Variants in RGS7 observed in about 807,000 individuals in gnomAD.
The protein encoded by RGS7 is regulator of G-protein signaling 7.
RGS7 carries 27 observed loss-of-function variants against 81.1 expected under a neutral mutation model. That is an observed-to-expected ratio of 0.33 (90% CI 0.25 to 0.46). RGS7 has a LOEUF of 0.46. RGS7 is among the 20% of genes least tolerant of loss of function. The pLI is 1.00. For missense variants in RGS7, 396 were observed against 607.4 expected, an observed-to-expected ratio of 0.65 and a Z score of 3.66; for synonymous variants, 208 against 207.7, an observed-to-expected ratio of 1.00 and a Z score of -0.01.
At position 240,956,814 on chromosome 1, in the gene RGS7, T is replaced by C. The variant is rs1035056454; in HGVS notation, c.227-20108A>G. 9.9e-5 allele frequency among the ~76,000 whole-genome samples: 15 copies of C among 151,990 alleles called. 1 individual carries two copies. Among genetic ancestry groups the C allele is most frequent in the Admixed American group, 4.6e-4 (7 of 15,262 alleles). On this transcript the variant is annotated intron_variant, in intron 4 of 18. Transcript: ENST00000440928. ...GACAACAGCACTTTCCCTTTGTGAT[T>C]TTCCTCCCCCAAACCCATAACCTCA...
At chr1:241,318,960 C>G (rs1476537014) in intron 2 of RGS7, among the ~76,000 whole-genome samples, 1 of 152,072 alleles carries the variant, frequency 6.6e-6, no homozygotes, top group African/African-American at 2.4e-5. Flanking sequence ...AAAAGATGAT[C>G]AAACGAAGGA....
At chr1:240,924,921 T>C (rs1447632392) in intron 6 of RGS7, among the ~76,000 whole-genome samples, 1 of 152,114 alleles carries the variant, frequency 6.6e-6, no homozygotes, top group Admixed American at 6.6e-5. Context: ...TAAAAATTAA[T>C]GCAAAAAGTT....
chr1:241,327,000 A>AAGGG (rs1419418755), intron 2 of RGS7, among the ~76,000 whole-genome samples: 58 of 3,562 alleles, frequency 0.016, 2 homozygotes, highest in African/African-American at 0.035. Flanking sequence ...AGGAAGAAGG[A>AAGGG]AGGAAGGAAG....
intron 3 of RGS7, among the ~76,000 whole-genome samples, chr1:241,090,959 C>A (rs2063833782): frequency 6.6e-6 from 1 of 152,132 alleles, no homozygotes; most frequent in Admixed American, 6.5e-5. Flanking sequence ...CAACACAGGA[C>A]ATCATGTGAA....
chr1:240,909,467 A>G (rs1178569403), intron 6 of RGS7, among the ~76,000 whole-genome samples: 1 of 151,990 alleles, frequency 6.6e-6, no homozygotes, highest in Non-Finnish European at 1.5e-5. Context: ...TTATTTTTCT[A>G]CCTATAACTT....
chr1:241,055,041 A>T (rs2061413438), intron 3 of RGS7, among the ~76,000 whole-genome samples: 1 of 152,246 alleles, frequency 6.6e-6, no homozygotes, highest in Non-Finnish European at 1.5e-5. Context: ...AATAGAGTGG[A>T]ATAAAAATGC....
At chr1:240,799,609 A>G (rs1687704963) in intron 18 of RGS7, among the ~76,000 whole-genome samples, 1 of 152,122 alleles carries the variant, frequency 6.6e-6, no homozygotes, top group African/African-American at 2.4e-5. Flanking sequence ...ACATTGCAAG[A>G]AGAATTATCT....
At chr1:240,879,851 A>G (rs1295163063) in intron 6 of RGS7, among the ~76,000 whole-genome samples, 2 of 152,194 alleles carry the variant, frequency 1.3e-5, no homozygotes, top group Non-Finnish European at 2.9e-5. Context: ...TAATTATAGC[A>G]TTCACATTCC....
At chr1:241,076,087 T>C (rs1406302317) in intron 3 of RGS7, among the ~76,000 whole-genome samples, 1 of 152,168 alleles carries the variant, frequency 6.6e-6, no homozygotes, top group Non-Finnish European at 1.5e-5. Context: ...GCACTGAACA[T>C]AGGGCAGCCC....
chr1:241,276,536 G>A lies in RGS7; in HGVS notation c.78+79163C>T, dbSNP rs537437129. ...TCATTTTGCTAAATGGGTTTAAGGA[G>A]CAACGATGACAATCTGCTACGATTT... On this transcript the variant is annotated intron_variant, in intron 2 of 18. Coordinates refer to ENST00000440928, the MANE Select transcript of RGS7 (RefSeq NM_001364886.1). Among the ~76,000 whole-genome samples the A allele has an allele frequency of 2.0e-5, 3 of 152,292 alleles. No homozygotes were observed. In the South Asian group the frequency reaches 6.2e-4, roughly 32 times the overall value.
rs1573083927 is a variant in RGS7 at position 241,197,543 on chromosome 1, C to T, written c.79-98781G>A. Among the ~76,000 whole-genome samples, 2 of 148,028 alleles carry T rather than the reference C, an allele frequency of 1.4e-5. 1 individual carries two copies. On this transcript the variant is annotated intron_variant, in intron 2 of 18. Coordinates refer to ENST00000440928, the MANE Select transcript of RGS7 (RefSeq NM_001364886.1). Reference sequence around the variant, plus strand: ...TGCTGGGATTACAGGCGTGAGCCACCGCGCCCGGCCTAATCAAAGTATCTT... The same window carrying T: ...TGCTGGGATTACAGGCGTGAGCCACTGCGCCCGGCCTAATCAAAGTATCTT...
intron 2 of RGS7, among the ~76,000 whole-genome samples, chr1:241,342,309 G>A (rs2082613763): frequency 6.6e-6 from 1 of 152,216 alleles, no homozygotes; most frequent in East Asian, 1.9e-4. Flanking sequence ...CAGCACACCA[G>A]CAGCTAAAAA....
At chr1:241,153,913 G>A (rs937216050) in intron 2 of RGS7, among the ~76,000 whole-genome samples, 4 of 152,184 alleles carry the variant, frequency 2.6e-5, no homozygotes, top group African/African-American at 9.7e-5. Flanking sequence ...CAGTACTATG[G>A]CACAAAATCA....
Position 240,819,319 on chromosome 1 carries a change from A to G in RGS7, c.685-2904T>C, listed in dbSNP as rs199877538. Among the ~76,000 whole-genome samples, 6 of 152,372 alleles carry G rather than the reference A, an allele frequency of 3.9e-5. No individual in the cohort carries two copies. The East Asian group carries it at 5.8e-4, about 15-fold the overall frequency. ...TTTAGGCGAAGATTAAAAAAATAAC[A>G]TAAAAGACTGCTAGAAAAACACAGC... On this transcript the variant is annotated intron_variant, in intron 10 of 18. Transcript: ENST00000440928.
intron 2 of RGS7, among the ~76,000 whole-genome samples, chr1:241,134,317 T>C (rs1409365040): frequency 6.6e-6 from 1 of 152,160 alleles, no homozygotes; most frequent in Non-Finnish European, 1.5e-5. Context: ...TAAATGACAC[T>C]ACGGGGAAAC....
chr1:241,175,385 A>C (rs1049202825), intron 2 of RGS7, among the ~76,000 whole-genome samples: 1 of 152,098 alleles, frequency 6.6e-6, no homozygotes, highest in African/African-American at 2.4e-5. Context: ...ACAGATTTGG[A>C]TGGGACTTGT....
At chr1:241,064,184 A>C (rs1412384094) in intron 3 of RGS7, among the ~76,000 whole-genome samples, 4 of 73,560 alleles carry the variant, frequency 5.4e-5, no homozygotes, top group South Asian at 3.8e-4. Context: ...ACTCAGTTTC[A>C]AAAAAAAAAA....
intron 13 of RGS7, among the ~76,000 whole-genome samples, chr1:240,812,734 A>G (rs558552613): frequency 1.3e-5 from 2 of 152,154 alleles, no homozygotes; most frequent in African/African-American, 4.8e-5. Context: ...CATGCCAGGC[A>G]CACATTTCTT....
chr1:241,161,936 C>T (rs1278210281), intron 2 of RGS7, among the ~76,000 whole-genome samples: 1 of 151,958 alleles, frequency 6.6e-6, no homozygotes, highest in Non-Finnish European at 1.5e-5. Context: ...AGGCTGGTCT[C>T]GAACTCCTGA....
Sources: allele counts gnomAD v4.1 joint callset (sites outside exome capture counted in the v4.1 genomes callset), GRCh38; gene constraint gnomAD v4.1.1; transcripts MANE v1.5; gene names NCBI Gene and HGNC (gene_info 2026-07-23, HGNC 2026-07-21).